Variants in CCSER1 observed in about 807,000 individuals in gnomAD.
The protein encoded by CCSER1 is serine-rich coiled-coil domain-containing protein 1.
A neutral mutation model predicts 82.0 loss-of-function variants in CCSER1; 41 were observed. The ratio of observed to expected loss-of-function variants is 0.50; its 90% confidence interval spans 0.39 to 0.65. The LOEUF (loss-of-function observed/expected upper bound fraction) is 0.65. CCSER1 is among the 30% of genes least tolerant of loss of function. The pLI, the probability that CCSER1 is intolerant of heterozygous loss-of-function variation, is 0.00. For synonymous variants in CCSER1, 414 were observed against 383.9 expected (o/e 1.08, Z -0.92); for missense variants, 1,119 against 1,064.2 (o/e 1.05, Z -0.72).
chr4:91,095,379 C>T (rs1251419106), intron 10 of CCSER1, among the ~76,000 whole-genome samples: 3 of 152,190 alleles, frequency 2.0e-5, no homozygotes. Flanking sequence ...ACCCCCCTTT[C>T]CCTGCCCTTT....
rs1448916411 is a variant in CCSER1 at position 91,443,731 on chromosome 4, G to T, written c.2218-154841G>T. On this transcript the variant is annotated intron_variant, in intron 10 of 10. Transcript: ENST00000509176. ...AAATTAAGTATAGAGAAAACTATAT[G>T]TATATATATATAAATATGTATTATA... Among the ~76,000 whole-genome samples the T allele has an allele frequency of 2.0e-5, 3 of 147,382 alleles. No homozygotes were observed. The East Asian group carries it at 5.8e-4, about 29-fold the overall frequency.
At chr4:91,201,427 T>C (rs550907008) in intron 10 of CCSER1, among the ~76,000 whole-genome samples, 1 of 152,166 alleles carries the variant, frequency 6.6e-6, no homozygotes, top group Admixed American at 6.6e-5. Flanking sequence ...GTATATGGGA[T>C]TGAAGGCTGG....
intron 6 of CCSER1, among the ~76,000 whole-genome samples, chr4:90,700,495 T>C (rs537368182): frequency 6.6e-6 from 1 of 152,200 alleles, no homozygotes; most frequent in Non-Finnish European, 1.5e-5. Flanking sequence ...ATCCTTTGGG[T>C]ATATACCCAG....
chr4:91,393,841 G>A (rs887792165), intron 10 of CCSER1, among the ~76,000 whole-genome samples: 2 of 152,058 alleles, frequency 1.3e-5, no homozygotes, highest in Non-Finnish European at 2.9e-5. Context: ...GTGCACTGTT[G>A]AATTTAATTG....
At chr4:90,690,586 T>C (rs1735636127) in intron 6 of CCSER1, among the ~76,000 whole-genome samples, 1 of 152,140 alleles carries the variant, frequency 6.6e-6, no homozygotes. Flanking sequence ...TTTTGGCTTC[T>C]GCTTCTCCTA....
intron 8 of CCSER1, among the ~76,000 whole-genome samples, chr4:90,819,611 T>G (rs574256875): frequency 4.3e-4 from 66 of 152,322 alleles, no homozygotes; most frequent in Non-Finnish European, 4.6e-4. Context: ...GATTATATAT[T>G]GATATTATTT....
intron 8 of CCSER1, among the ~76,000 whole-genome samples, chr4:90,916,509 T>C (rs1477449110): frequency 6.6e-6 from 1 of 151,906 alleles, no homozygotes; most frequent in Admixed American, 6.6e-5. Context: ...ATACAAAAAT[T>C]AATTCAAGAT....
chr4:91,292,046 T>C (rs1315444652), intron 10 of CCSER1, among the ~76,000 whole-genome samples: 1 of 152,032 alleles, frequency 6.6e-6, no homozygotes, highest in African/African-American at 2.4e-5. Flanking sequence ...TTTGGAAAGT[T>C]TTCCTCTATC....
At chr4:91,495,923 A>C (rs1378092839) in intron 10 of CCSER1, among the ~76,000 whole-genome samples, 4 of 151,600 alleles carry the variant, frequency 2.6e-5, no homozygotes, top group African/African-American at 9.7e-5. Context: ...TTTTGAATAA[A>C]AGCATAAACA....
At chr4:90,439,089 TGA>T (rs1451833439) in intron 4 of CCSER1, among the ~76,000 whole-genome samples, 1 of 152,056 alleles carries the variant, frequency 6.6e-6, no homozygotes, top group East Asian at 1.9e-4. Flanking sequence ...GTCAGGAGTT[TGA>T]GACAGGCTTG....
intron 10 of CCSER1, among the ~76,000 whole-genome samples, chr4:91,379,406 C>G (rs1750694359): frequency 2.0e-5 from 3 of 151,838 alleles, no homozygotes. Context: ...TTGGTAGGCT[C>G]TTAATTATTG....
intron 10 of CCSER1, among the ~76,000 whole-genome samples, chr4:91,542,838 T>A (rs931787618): frequency 2.6e-5 from 4 of 152,196 alleles, no homozygotes; most frequent in Non-Finnish European, 5.9e-5. Context: ...CAGAGCTGAG[T>A]TCAATTCCTG....
At chr4:91,463,826 C>T (rs1173937262) in intron 10 of CCSER1, among the ~76,000 whole-genome samples, 3 of 152,148 alleles carry the variant, frequency 2.0e-5, no homozygotes, top group Non-Finnish European at 4.4e-5. Context: ...AAGAAATGAA[C>T]AAAGCCTCCA....
chr4:90,971,793 A>T (rs958123570), intron 9 of CCSER1, among the ~76,000 whole-genome samples: 4 of 151,964 alleles, frequency 2.6e-5, no homozygotes, highest in African/African-American at 9.7e-5. Context: ...ACATGAAAGG[A>T]TTACACTCCA....
chr4:91,532,870 A>AT (rs1761108368), intron 10 of CCSER1, among the ~76,000 whole-genome samples: 2 of 149,146 alleles, frequency 1.3e-5, no homozygotes, highest in South Asian at 4.5e-4. Context: ...ACCCTGTCTC[A>AT]TAAAAAAAAA....
chr4:90,790,874 C>A (rs1755132856), intron 7 of CCSER1, among the ~76,000 whole-genome samples: 1 of 152,128 alleles, frequency 6.6e-6, no homozygotes, highest in Non-Finnish European at 1.5e-5. Flanking sequence ...TGCCTGTTAC[C>A]CAGTTCCAAA....
chr4:91,086,860 T>A (rs1447895378), intron 10 of CCSER1, among the ~76,000 whole-genome samples: 2 of 152,060 alleles, frequency 1.3e-5, no homozygotes, highest in Non-Finnish European at 2.9e-5. Flanking sequence ...TCATTTAAGG[T>A]CTCTTTCCAT....
intron 5 of CCSER1, among the ~76,000 whole-genome samples, chr4:90,478,157 T>C (rs1345516228): frequency 6.6e-6 from 1 of 152,230 alleles, no homozygotes; most frequent in East Asian, 1.9e-4. Context: ...CTTACTTCTT[T>C]GTTTTATAGG....
chr4:90,244,180 G>A (rs1046622973), intron 1 of CCSER1, among the ~76,000 whole-genome samples: 2 of 152,130 alleles, frequency 1.3e-5, no homozygotes, highest in African/African-American at 2.4e-5. Flanking sequence ...GATATTGTAG[G>A]TTAAACATCT....
Sources: allele counts gnomAD v4.1 joint callset (sites outside exome capture counted in the v4.1 genomes callset), GRCh38; gene constraint gnomAD v4.1.1; transcripts MANE v1.5; gene names NCBI Gene and HGNC (gene_info 2026-07-23, HGNC 2026-07-21).